The following ATOSA variants were observed in gnomAD, a reference collection of about 807,000 sequenced individuals.
The protein encoded by ATOSA is atos homolog A.
chr15:52,675,905 C>CAA, the ATOSA span, among the ~76,000 whole-genome samples: 2,328 of 95,738 alleles, frequency 0.024, 30 homozygotes, highest in East Asian at 0.068. Context: ...GACTCCGTCT[C>CAA]AAAAAAAAAA....
chr15:52,630,603 G>T, the ATOSA span, among the ~76,000 whole-genome samples: 22 of 152,256 alleles, frequency 1.4e-4, no homozygotes, highest in African/African-American at 4.8e-4. Flanking sequence ...GTACACACTG[G>T]TGCAAACACT....
the ATOSA span, among the ~76,000 whole-genome samples, chr15:52,693,878 A>G: frequency 6.6e-6 from 1 of 152,192 alleles, no homozygotes; most frequent in Non-Finnish European, 1.5e-5. Flanking sequence ...CTTGCCTCTC[A>G]TACTTATGTA....
At chr15:52,625,701 T>TAA in the ATOSA span, among the ~76,000 whole-genome samples, 1 of 151,868 alleles carries the variant, frequency 6.6e-6, no homozygotes, top group Non-Finnish European at 1.5e-5. Context: ...GGTGCCATCT[T>TAA]AAAAAAAAGT....
At chr15:52,582,007 C>A in the ATOSA span, 2 of 616,046 alleles carry the variant, frequency 3.2e-6, no homozygotes, top group African/African-American at 2.0e-5. Flanking sequence ...ATATGGATTT[C>A]ATTTCAGGAA....
At chr15:52,634,519 A>C in the ATOSA span, among the ~76,000 whole-genome samples, 1 of 152,190 alleles carries the variant, frequency 6.6e-6, no homozygotes, top group Non-Finnish European at 1.5e-5. Context: ...TCTTATTAAA[A>C]GGCAGACGTT....
the ATOSA span, among the ~76,000 whole-genome samples, chr15:52,686,671 A>T: frequency 6.6e-6 from 1 of 152,192 alleles, no homozygotes; most frequent in Non-Finnish European, 1.5e-5. Flanking sequence ...GAATTCTAGG[A>T]GCTATTCCTT....
the ATOSA span, among the ~76,000 whole-genome samples, chr15:52,647,086 T>A: frequency 6.6e-6 from 1 of 152,204 alleles, no homozygotes; most frequent in South Asian, 2.1e-4. Flanking sequence ...CTGGGCCCAA[T>A]GCAGAAGCTA....
the ATOSA span, among the ~76,000 whole-genome samples, chr15:52,660,432 C>T: frequency 6.6e-6 from 1 of 152,134 alleles, no homozygotes; most frequent in Non-Finnish European, 1.5e-5. Context: ...ATGTTCTTTC[C>T]CCTTACACAG....
At chr15:52,653,832 T>C in the ATOSA span, among the ~76,000 whole-genome samples, 1 of 152,202 alleles carries the variant, frequency 6.6e-6, no homozygotes, top group African/African-American at 2.4e-5. Flanking sequence ...GTCTACTTAA[T>C]TGTTTACCTA....
the ATOSA span, among the ~76,000 whole-genome samples, chr15:52,598,896 T>C: frequency 2.0e-5 from 3 of 152,150 alleles, no homozygotes; most frequent in Non-Finnish European, 2.9e-5. Context: ...CGAGATCCGG[T>C]TGTTTAAAAG....
At chr15:52,669,413 G>A in the ATOSA span, among the ~76,000 whole-genome samples, 16 of 152,072 alleles carry the variant, frequency 1.1e-4, no homozygotes, top group Non-Finnish European at 2.9e-5. Context: ...CCAATATCAA[G>A]GGCTAAAATT....
the ATOSA span, among the ~76,000 whole-genome samples, chr15:52,685,908 G>A: frequency 6.6e-6 from 1 of 152,268 alleles, no homozygotes; most frequent in South Asian, 2.1e-4. Context: ...TGCCAGGGTA[G>A]GGCAGAGGAG....
the ATOSA span, among the ~76,000 whole-genome samples, chr15:52,595,485 T>C: frequency 6.6e-6 from 1 of 152,056 alleles, no homozygotes; most frequent in Non-Finnish European, 1.5e-5. Flanking sequence ...ATATTTTAGA[T>C]TTTTGTAAAT....
the ATOSA span, among the ~76,000 whole-genome samples, chr15:52,675,476 T>C: frequency 6.6e-6 from 1 of 152,352 alleles, no homozygotes; most frequent in Admixed American, 6.5e-5. Context: ...CTATTGTATT[T>C]ATTTAGAAAC....
At chr15:52,635,567 G>T in the ATOSA span, among the ~76,000 whole-genome samples, 2 of 152,032 alleles carry the variant, frequency 1.3e-5, no homozygotes, top group Non-Finnish European at 2.9e-5. Context: ...TCAGTGATGT[G>T]AGCCTGCAGT....
At chr15:52,625,987 A>C in the ATOSA span, among the ~76,000 whole-genome samples, 3 of 152,228 alleles carry the variant, frequency 2.0e-5, no homozygotes, top group African/African-American at 4.8e-5. Flanking sequence ...AATAGTATCA[A>C]CTTTCAGAGG....
chr15:52,697,208 T>G, the ATOSA span, among the ~76,000 whole-genome samples: 1 of 152,198 alleles, frequency 6.6e-6, no homozygotes, highest in Non-Finnish European at 1.5e-5. Flanking sequence ...GGGCATTTGT[T>G]TCTTATGTTC....
chr15:52,582,636 C>T, the ATOSA span, among the ~76,000 whole-genome samples: 40,794 of 152,098 alleles, frequency 0.27, 7,184 homozygotes, highest in East Asian at 0.85. Flanking sequence ...TGCAGGTTCA[C>T]GTGGCAGTTC....
chr15:52,700,292 T>TAA, the ATOSA span, among the ~76,000 whole-genome samples: 2 of 152,216 alleles, frequency 1.3e-5, no homozygotes. Flanking sequence ...GTAAAGTTCC[T>TAA]AAACCCACTT....
Sources: gnomAD v4.1 joint callset for allele counts (sites outside exome capture counted in the v4.1 genomes callset) on GRCh38, gnomAD v4.1.1 for gene constraint, MANE v1.5 for transcripts, NCBI Gene and HGNC (gene_info 2026-07-23, HGNC 2026-07-21) for gene names.